LUZP2: variants seen among roughly 807,000 people sequenced by gnomAD.
LUZP2 encodes leucine zipper protein 2.
A neutral mutation model predicts 51.6 loss-of-function variants in LUZP2; 52 were observed. The observed-to-expected ratio is 1.01, with a 90% CI of 0.81 to 1.27. The LOEUF (loss-of-function observed/expected upper bound fraction) is 1.27. Ranked by LOEUF, LUZP2 falls within the 50% of genes most tolerant of loss-of-function variation. The pLI, the probability that LUZP2 is intolerant of heterozygous loss-of-function variation, is 0.00. For missense variants in LUZP2, 436 were observed against 395.4 expected (o/e 1.10, Z -0.87); for synonymous variants, 154 against 137.3 (o/e 1.12, Z -0.85).
chr11:24,832,455 T>A (rs1486730), intron 5 of LUZP2, among the ~76,000 whole-genome samples: 23,792 of 151,866 alleles, frequency 0.16, 2,071 homozygotes, highest in African/African-American at 0.22. Context: ...TGTTTTATTT[T>A]AAAAAAAGTT....
At chr11:24,631,917 G>T (rs1490701230) in intron 1 of LUZP2, among the ~76,000 whole-genome samples, 1 of 152,054 alleles carries the variant, frequency 6.6e-6, no homozygotes, top group African/African-American at 2.4e-5. Flanking sequence ...AGGAAAGAGG[G>T]CATATGAATA....
intron 7 of LUZP2, among the ~76,000 whole-genome samples, chr11:24,962,499 C>G (rs541682099): frequency 3.4e-4 from 52 of 152,256 alleles, no homozygotes; most frequent in African/African-American, 1.2e-3. Context: ...TCCCTTCTTG[C>G]TTCACTTCAT....
chr11:24,905,780 G>T (rs1170502036), intron 5 of LUZP2, among the ~76,000 whole-genome samples: 2 of 151,928 alleles, frequency 1.3e-5, no homozygotes, highest in Admixed American at 6.6e-5. Flanking sequence ...CTTTTTAAAT[G>T]AATGTGTTAA....
At chr11:25,034,811 T>C (rs2133996805) in intron 9 of LUZP2, among the ~76,000 whole-genome samples, 1 of 152,240 alleles carries the variant, frequency 6.6e-6, no homozygotes, top group South Asian at 2.1e-4. Context: ...CTAAGCTGTT[T>C]GACTACTGTG....
chr11:24,871,199 C>T (rs1852059969), intron 5 of LUZP2, among the ~76,000 whole-genome samples: 2 of 151,716 alleles, frequency 1.3e-5, no homozygotes, highest in African/African-American at 4.8e-5. Context: ...ATAACTTTTC[C>T]TGTATATTTA....
chr11:24,855,939 T>C (rs769862451), intron 5 of LUZP2, among the ~76,000 whole-genome samples: 30 of 152,196 alleles, frequency 2.0e-4, no homozygotes, highest in Non-Finnish European at 3.2e-4. Context: ...TATCTTACCA[T>C]ATATAAAAAT....
intron 1 of LUZP2, among the ~76,000 whole-genome samples, chr11:24,532,564 G>T (rs867553515): frequency 6.6e-6 from 1 of 150,758 alleles, no homozygotes; most frequent in African/African-American, 2.4e-5. Flanking sequence ...CAAAAAAGTC[G>T]CTATAACTAG....
At position 24,707,244 on chromosome 11, in the gene LUZP2, T is replaced by A. The variant is rs556055240; in HGVS notation, c.63-21925T>A. Among the ~76,000 whole-genome samples the A allele has an allele frequency of 2.1e-4, 32 of 152,064 alleles. No individual in the cohort carries two copies. In the South Asian group the frequency reaches 5.8e-3, roughly 28 times the overall value. Reference sequence around the variant, plus strand: ...CTAACATCCAAAGCTTATATTCAAATCTATTCTGTAAAGCCAGAGCTCACT... The same window carrying A: ...CTAACATCCAAAGCTTATATTCAAAACTATTCTGTAAAGCCAGAGCTCACT... On this transcript the variant is annotated intron_variant, in intron 1 of 11. Transcript: ENST00000336930.
chr11:24,499,482 G>T (rs1315131887), intron 1 of LUZP2, among the ~76,000 whole-genome samples: 1 of 152,194 alleles, frequency 6.6e-6, no homozygotes, highest in Non-Finnish European at 1.5e-5. Flanking sequence ...GGACAGTTGT[G>T]TTAGTAGGGA....
chr11:24,653,957 G>A (rs1045342169), intron 1 of LUZP2, among the ~76,000 whole-genome samples: 1 of 152,186 alleles, frequency 6.6e-6, no homozygotes, highest in Non-Finnish European at 1.5e-5. Context: ...AAGTCTAAAA[G>A]AGTAGGAAAA....
At chr11:24,907,842 T>G (rs1853506972) in intron 6 of LUZP2, among the ~76,000 whole-genome samples, 1 of 152,170 alleles carries the variant, frequency 6.6e-6, no homozygotes, top group Non-Finnish European at 1.5e-5. Context: ...TGAGAATATA[T>G]TATCCCTGAA....
intron 5 of LUZP2, among the ~76,000 whole-genome samples, chr11:24,847,249 A>G (rs1317917384): frequency 2.1e-5 from 3 of 145,504 alleles, no homozygotes; most frequent in Non-Finnish European, 4.5e-5. Flanking sequence ...TATTTATTCC[A>G]ATAATATATA....
Position 24,990,993 on chromosome 11 carries a change from A to T in LUZP2, c.765+7700A>T, listed in dbSNP as rs543095168. Among the ~76,000 whole-genome samples, 11 of 151,668 alleles carry T rather than the reference A, an allele frequency of 7.3e-5. No homozygotes were observed. In the South Asian group the frequency reaches 2.1e-3, roughly 29 times the overall value. On this transcript the variant is annotated intron_variant, in intron 9 of 11. Coordinates refer to ENST00000336930, the MANE Select transcript of LUZP2 (RefSeq NM_001009909.4). The stretch of plus-strand genomic sequence containing the variant: ...TTTAAATTTTTTATTTCCATAGGTT[A>T]TTGGAGAACAGGTGGTGTTTGGTTA...
At chr11:24,989,622 G>A (rs1329727365) in intron 9 of LUZP2, among the ~76,000 whole-genome samples, 1 of 152,028 alleles carries the variant, frequency 6.6e-6, no homozygotes, top group Non-Finnish European at 1.5e-5. Flanking sequence ...TCCTGATGCT[G>A]ACATTTCTTT....
At chr11:24,855,765 A>C (rs1462450279) in intron 5 of LUZP2, among the ~76,000 whole-genome samples, 1 of 152,188 alleles carries the variant, frequency 6.6e-6, no homozygotes, top group Non-Finnish European at 1.5e-5. Context: ...GTGTAAAAAT[A>C]GATAGAACAA....
chr11:24,855,201 G>C (rs1851521793), intron 5 of LUZP2, among the ~76,000 whole-genome samples: 1 of 152,130 alleles, frequency 6.6e-6, no homozygotes, highest in South Asian at 2.1e-4. Context: ...ATCTCTGTTT[G>C]CTGTGAAATT....
At chr11:25,008,399 C>T (rs768110189) in intron 9 of LUZP2, among the ~76,000 whole-genome samples, 2 of 152,164 alleles carry the variant, frequency 1.3e-5, no homozygotes, top group African/African-American at 2.4e-5. Flanking sequence ...CACAGTGCAG[C>T]GAATGGGATG....
At chr11:25,020,886 G>T (rs945748097) in intron 9 of LUZP2, among the ~76,000 whole-genome samples, 9 of 151,890 alleles carry the variant, frequency 5.9e-5, no homozygotes, top group African/African-American at 2.2e-4. Flanking sequence ...AATTTGGAAT[G>T]TTATTAAATT....
At chr11:24,843,610 A>G (rs928290127) in intron 5 of LUZP2, among the ~76,000 whole-genome samples, 1 of 152,200 alleles carries the variant, frequency 6.6e-6, no homozygotes, top group Admixed American at 6.5e-5. Flanking sequence ...AAGATGAAGA[A>G]TAATATTTGC....
Sources: gnomAD v4.1 joint callset for allele counts (sites outside exome capture counted in the v4.1 genomes callset) on GRCh38, gnomAD v4.1.1 for gene constraint, MANE v1.5 for transcripts, NCBI Gene and HGNC (gene_info 2026-07-23, HGNC 2026-07-21) for gene names.